The following INO80D variants were observed in gnomAD, a reference collection of about 807,000 sequenced individuals.
INO80D encodes the protein INO80 complex subunit D.
INO80D carries 21 observed loss-of-function variants against 87.6 expected under a neutral mutation model. The observed-to-expected ratio is 0.24, with a 90% CI of 0.17 to 0.35. The LOEUF is 0.35. Among genes scored for constraint, INO80D ranks in the 10% least tolerant of loss-of-function variants. The pLI is 1.00. For synonymous variants in INO80D, 440 were observed against 491.0 expected (o/e 0.90, Z 1.37); for missense variants, 982 against 1,280.7 (o/e 0.77, Z 3.56).
chr2:206,058,295 T>C lies in INO80D; in HGVS notation c.219-1352A>G, dbSNP rs548988384. 7.9e-5 allele frequency among the ~76,000 whole-genome samples: 12 copies of C among 151,876 alleles called. No homozygotes were observed. In the South Asian group the frequency reaches 2.5e-3, roughly 32 times the overall value. The stretch of plus-strand genomic sequence containing the variant: ...TTAGCCGGGCGTGGTGGCAGGAGCC[T>C]GTAGTCCCAGCTACTCGGGAGGCTG... On this transcript the variant is annotated intron_variant, in intron 3 of 10. Transcript: ENST00000403263.
chr2:206,022,683 G>A (rs1240795480), intron 6 of INO80D, among the ~76,000 whole-genome samples: 1 of 152,104 alleles, frequency 6.6e-6, no homozygotes, highest in African/African-American at 2.4e-5. Context: ...TATTTGATAG[G>A]AAAGACTAAC....
chr2:206,019,871 AT>A (rs11366043), intron 6 of INO80D, 26 bp from the exon 7 acceptor site: 495,710 of 1,528,186 alleles, frequency 0.32, 84,289 homozygotes, highest in Non-Finnish European at 0.36. Context: ...CAGAGAATTA[AT>A]TTTTTTTTAA....
rs1422527470 is a variant in INO80D at position 206,009,638 on chromosome 2, G to C, written c.1699C>G (p.Pro567Ala). The C allele has an allele frequency of 6.2e-7, 1 of 1,613,870 alleles. No homozygotes were observed. The highest frequency in any genetic ancestry group is 8.5e-7 in the Non-Finnish European group (1 of 1,179,912). ...GCGGGCATGCTGAGGTTCCCTTGGGGGACTGCAGGTGGAATGGGTTTTTGG... is the reference window on the plus strand; with the variant it reads ...GCGGGCATGCTGAGGTTCCCTTGGGCGACTGCAGGTGGAATGGGTTTTTGG... ...RPQKPIPPAVPQGNLSMPASV... is the reference protein window; with the variant it reads ...RPQKPIPPAVAQGNLSMPASV... The change falls in exon 9 of 11, where the codon CCC becomes GCC. Residue 567 changes from proline to alanine, a missense_variant. Transcript: ENST00000403263.
intron 3 of INO80D, among the ~76,000 whole-genome samples, chr2:206,058,064 G>A (rs1043773469): frequency 2.0e-5 from 3 of 152,072 alleles, no homozygotes; most frequent in Admixed American, 6.5e-5. Flanking sequence ...GTGAATTTTC[G>A]TCTGTGTGGG....
intron 5 of INO80D, among the ~76,000 whole-genome samples, chr2:206,041,934 G>GC (rs2105857173): frequency 6.6e-6 from 1 of 152,228 alleles, no homozygotes; most frequent in Admixed American, 6.5e-5. Context: ...GATCACTTGA[G>GC]CCCAGGAGTT....
intron 9 of INO80D, among the ~76,000 whole-genome samples, chr2:206,008,207 C>A (rs1688078174): frequency 6.6e-6 from 1 of 152,014 alleles, no homozygotes; most frequent in African/African-American, 2.4e-5. Flanking sequence ...TGGTCTCGAA[C>A]TCCTGACCTC....
intron 5 of INO80D, among the ~76,000 whole-genome samples, chr2:206,037,759 A>C (rs1442004846): frequency 6.6e-6 from 1 of 152,258 alleles, no homozygotes; most frequent in African/African-American, 2.4e-5. Context: ...TCAATGTATC[A>C]AAATGATACC....
intron 1 of INO80D, among the ~76,000 whole-genome samples, chr2:206,074,918 G>C (rs1446249107): frequency 6.6e-6 from 1 of 150,844 alleles, no homozygotes; most frequent in African/African-American, 2.4e-5. Context: ...CAGCCTGGAC[G>C]ACAAGAGCGA....
chr2:206,045,587 C>T (rs1689171408), intron 5 of INO80D, among the ~76,000 whole-genome samples: 1 of 152,032 alleles, frequency 6.6e-6, no homozygotes, highest in Non-Finnish European at 1.5e-5. Flanking sequence ...TCAACTTCTA[C>T]AGATCTTAGA....
Position 206,005,533 on chromosome 2 carries a change from C to G in INO80D, c.1919G>C (p.Gly640Ala), listed in dbSNP as rs1194620090. Residue 640 changes from glycine (G) to alanine (A), a missense_variant and splice_region_variant, in exon 11 of 11, where the codon GGG becomes GCG. Physicochemically the swap from Gly to Ala is moderately conservative, Grantham distance 60 (BLOSUM62 0). Coordinates refer to ENST00000403263, the MANE Select transcript of INO80D (RefSeq NM_017759.5). ...DDLQDFDFFEGKNGDLLPTTE... is the reference protein window; with the variant it reads ...DDLQDFDFFEAKNGDLLPTTE... ...AGTTGGGAGGAGGTCTCCATTCTTC[C>G]CTGAGTCAACAAAAGCCATCGACAA... The G allele has an allele frequency of 6.2e-7, 1 of 1,606,632 alleles. No homozygotes were observed. The highest frequency in any genetic ancestry group is 8.5e-7 in the Non-Finnish European group (1 of 1,177,486).
chr2:206,063,427 G>A (rs1171467917), intron 1 of INO80D, 183 bp from the exon 2 acceptor site: 5 of 222,152 alleles, frequency 2.3e-5, no homozygotes, highest in African/African-American at 2.3e-5. Context: ...TTGGCTGGGC[G>A]CCGTGGCTCA....
rs1687823807 is a variant in INO80D at position 205,997,173 on chromosome 2, AC to A, written c.*7194del. ...CCAACTCTACTTTTGACTATTTCAG[AC>A]CACCAGATACTCCAGTAATAAATGT... On this transcript the variant is annotated 3_prime_UTR_variant, in exon 11 of 11. Transcript: ENST00000403263. The A allele has an allele frequency of 6.6e-6, 1 of 152,100 alleles. No individual in the cohort carries two copies. Among genetic ancestry groups the A allele is most frequent in the South Asian group, 2.1e-4 (1 of 4,832 alleles). The allele number at this position is 152,100 out of a possible 1,614,324, so 9.4% of individuals were successfully genotyped here. A position where few individuals can be genotyped will look rare whatever the true frequency, so the allele number is the denominator to read the frequency against.
At position 206,028,136 on chromosome 2, in the gene INO80D, G is replaced by T. The variant is rs373314822; in HGVS notation, c.1273C>A (p.Arg425=). 6.4e-7 allele frequency: 1 copy of T among 1,553,102 alleles called. No homozygotes were observed. The highest frequency in any genetic ancestry group is 8.7e-7 in the Non-Finnish European group (1 of 1,147,464). The change falls in exon 6 of 11, where the codon CGG becomes AGG. Residue 425 remains arginine, a synonymous_variant. Coordinates refer to ENST00000403263, the MANE Select transcript of INO80D (RefSeq NM_017759.5). ...ECTGQLIQEL[R]RAACSRTSIS... ...CTGGTTCGACTGCATGCAGCTCTCCGCAGTTCTTGTATTAACTGACCAGTG... is the reference window on the plus strand; with the variant it reads ...CTGGTTCGACTGCATGCAGCTCTCCTCAGTTCTTGTATTAACTGACCAGTG...
chr2:206,000,986 G>A lies in INO80D; in HGVS notation c.*3382C>T, dbSNP rs1456263632. The A allele has an allele frequency of 6.6e-6, 1 of 152,152 alleles. No homozygotes were observed. Among genetic ancestry groups the A allele is most frequent in the Non-Finnish European group, 1.5e-5 (1 of 68,014 alleles). 9.4% of individuals were successfully genotyped at this position (152,152 alleles called of 1,614,324 possible). On this transcript the variant is annotated 3_prime_UTR_variant, in exon 11 of 11. Transcript: ENST00000403263. ...TTATATCACACATGGTAGGTCACCAGAGAAAATAATCCTTTGCTGTCTAAG... is the reference window on the plus strand; with the variant it reads ...TTATATCACACATGGTAGGTCACCAAAGAAAATAATCCTTTGCTGTCTAAG...
At position 206,056,179 on chromosome 2, in the gene INO80D, G is replaced by C; in HGVS notation, c.964+19C>G. The C allele has an allele frequency of 6.5e-7, 1 of 1,548,090 alleles. No homozygotes were observed. Among genetic ancestry groups the C allele is most frequent in the Non-Finnish European group, 8.7e-7 (1 of 1,147,436 alleles). ...TTGTCATATTATGTGTCTATGATAC[G>C]ATAAAATAGATAACTCACCTAAATG... On this transcript the variant is annotated intron_variant, in intron 4 of 10. Transcript: ENST00000403263.
At chr2:206,051,370 G>T (rs761298339) in intron 4 of INO80D, among the ~76,000 whole-genome samples, 1 of 151,884 alleles carries the variant, frequency 6.6e-6, no homozygotes, top group Non-Finnish European at 1.5e-5. Flanking sequence ...GTTTGCAACT[G>T]TGCCTGGCTA....
At chr2:206,061,926 G>C (rs571892168) in intron 3 of INO80D, among the ~76,000 whole-genome samples, 133 of 152,286 alleles carry the variant, frequency 8.7e-4, no homozygotes, top group Non-Finnish European at 1.6e-3. Flanking sequence ...TGGAAAACAA[G>C]CATGTATCTC....
chr2:206,055,313 G>A (rs574563015), intron 4 of INO80D, among the ~76,000 whole-genome samples: 121 of 152,212 alleles, frequency 7.9e-4, no homozygotes, highest in African/African-American at 2.8e-3. Flanking sequence ...GTATAAACTT[G>A]GAATCGAGGA....
chr2:206,036,103 T>C (rs772042323), intron 5 of INO80D, among the ~76,000 whole-genome samples: 13 of 151,828 alleles, frequency 8.6e-5, no homozygotes, highest in Non-Finnish European at 1.3e-4. Context: ...GATGTTGGCA[T>C]GGATGTGGTG....
Sources: gnomAD v4.1 joint callset for allele counts (sites outside exome capture counted in the v4.1 genomes callset) on GRCh38, gnomAD v4.1.1 for gene constraint, MANE v1.5 for transcripts, NCBI Gene and HGNC (gene_info 2026-07-23, HGNC 2026-07-21) for gene names.